Variants in SETX observed in about 807,000 individuals in gnomAD.
The protein encoded by SETX is senataxin, also known as helicase senataxin.
Under a neutral mutation model 227.2 loss-of-function variants are expected in SETX, and 90 were observed. The observed-to-expected ratio is 0.40, with a 90% CI of 0.33 to 0.47. SETX has a LOEUF of 0.47. Among genes scored for constraint, SETX ranks in the 20% least tolerant of loss-of-function variants. SETX has a pLI of 0.91. For synonymous variants in SETX, 1,210 were observed against 1,113.2 expected (o/e 1.09, Z -1.73); for missense variants, 3,052 against 3,181.5 (o/e 0.96, Z 0.98).
intron 3 of SETX, 30 bp from the exon 4 acceptor site, chr9:132,346,501 TTA>T (rs1457085614): frequency 5.4e-6 from 8 of 1,480,144 alleles, no homozygotes; most frequent in Middle Eastern, 2.2e-4. Flanking sequence ...GCAGTGTGCG[TTA>T]TGTCTTATCA....
chr9:132,351,032 A>G (rs946479270), intron 2 of SETX, among the ~76,000 whole-genome samples: 1 of 152,216 alleles, frequency 6.6e-6, no homozygotes, highest in Admixed American at 6.5e-5. Context: ...GCCAAGTAAC[A>G]TGGGATAAGG....
intron 7 of SETX, among the ~76,000 whole-genome samples, chr9:132,333,910 C>G (rs965692643): frequency 2.0e-5 from 3 of 151,984 alleles, no homozygotes; most frequent in African/African-American, 7.3e-5. Context: ...TTTTAATTGA[C>G]TTAAATTTAT....
chr9:132,354,616 G>A (rs1016379453), intron 1 of SETX, among the ~76,000 whole-genome samples: 2 of 151,888 alleles, frequency 1.3e-5, no homozygotes, highest in South Asian at 2.1e-4. Context: ...CAGCCCCAAG[G>A]AAACTACGCA....
rs774123592 is a variant in SETX at position 132,349,411 on chromosome 9, CCAA to C, written c.15_17del (p.Cys5del). ...TGGTGGAAGCACCACCTGGCGTACA[CCAA>C]CAACATGTGCTCATTCTGTACCTAC... is the stretch of plus-strand genomic sequence containing the variant. On this transcript the variant is annotated inframe_deletion, in exon 3 of 26. Coordinates refer to ENST00000224140, the MANE Select transcript of SETX (RefSeq NM_015046.7). The C allele has an allele frequency of 1.2e-6, 2 of 1,614,128 alleles. No individual in the cohort carries two copies. The highest frequency in any genetic ancestry group is 8.5e-7 in the Non-Finnish European group (1 of 1,180,036).
rs1036634878 is a variant in SETX, at chr9:132,330,297, T to C, written c.1301A>G (p.Asn434Ser). Residue 434 changes from asparagine (N) to serine (S), a missense_variant, in exon 10 of 26, where the codon AAT becomes AGT. Asn to Ser is a conservative substitution (Grantham distance 46). Coordinates refer to ENST00000224140, the MANE Select transcript of SETX (RefSeq NM_015046.7). ...TTCTTTGACTTCAGAGTACAGATGA[T>C]TAACAACCTGTGCTATGTAAGCCAC... ...LGVAYIAQVV[N>S]HLYSEVKEVL... The C allele has an allele frequency of 1.9e-6, 3 of 1,603,526 alleles. No individual in the cohort carries two copies. Among genetic ancestry groups the C allele is most frequent in the African/African-American group, 2.7e-5 (2 of 74,666 alleles).
chr9:132,286,350 TCTG>T lies in SETX; in HGVS notation c.6396+70_6396+72del. On this transcript the variant is annotated intron_variant, in intron 18 of 25. Transcript: ENST00000224140. ...TAAATAAATAAAAGCCCATAGCTTG[TCTG>T]AACAGTCATACTTAAATTTTAAAAA... is the stretch of plus-strand genomic sequence containing the variant. The T allele has an allele frequency of 6.5e-6, 7 of 1,076,264 alleles. No individual in the cohort carries two copies. The South Asian group carries it at 8.1e-5, about 13-fold the overall frequency. 66.7% of individuals were successfully genotyped at this position (1,076,264 alleles called of 1,614,324 possible).
At position 132,334,689 on chromosome 9, in the gene SETX, T is replaced by G; in HGVS notation, c.757A>C (p.Met253Leu). ...MLLTILEEQA[M>L]DSLLLGSDKQ... ...TCTGAGCCCAACAACAGGGAATCCA[T>G]GGCTTGTTCCTCAAGAATGGTCAGC... The change falls in exon 7 of 26, where the codon ATG (methionine) becomes CTG (leucine). Residue 253 changes from methionine to leucine, a missense_variant. By Grantham distance (15) the Met-to-Leu change is conservative. This residue lies in a region of SETX where 239 missense variants were observed against 240.8 expected (regional missense o/e 0.99). Coordinates refer to ENST00000224140, the MANE Select transcript of SETX (RefSeq NM_015046.7). 6.2e-7 allele frequency: 1 copy of G among 1,614,164 alleles called. No individual in the cohort carries two copies. Among genetic ancestry groups the G allele is most frequent in the South Asian group, 1.1e-5 (1 of 91,082 alleles).
At chr9:132,290,751 C>G (rs768496256) in intron 15 of SETX, among the ~76,000 whole-genome samples, 1 of 151,920 alleles carries the variant, frequency 6.6e-6, no homozygotes, top group Non-Finnish European at 1.5e-5. Flanking sequence ...CAAAAATTAG[C>G]CAGGCGTGGT....
chr9:132,355,201 C>G (rs1343979912), upstream of SETX, among the ~76,000 whole-genome samples: 5 of 152,228 alleles, frequency 3.3e-5, no homozygotes, highest in Non-Finnish European at 5.9e-5. Context: ...ATCCCGAGTC[C>G]CCGTCAGGGT....
chr9:132,326,075 T>A (rs1388498282), intron 10 of SETX, among the ~76,000 whole-genome samples: 1 of 152,064 alleles, frequency 6.6e-6, no homozygotes, highest in Non-Finnish European at 1.5e-5. Context: ...CTTTTTTTTG[T>A]TTTTTCTTTT....
At position 132,275,471 on chromosome 9, in the gene SETX, C is replaced by T. The variant is rs62576467; in HGVS notation, c.6936-51G>A. The T allele has an allele frequency of 0.021, 31,069 of 1,477,270 alleles. 374 individuals are homozygous for T. Among genetic ancestry groups the T allele is most frequent in the Non-Finnish European group, 0.024 (25,757 of 1,073,346 alleles). The allele number at this position is 1,477,270 out of a possible 1,614,324, so 91.5% of individuals were successfully genotyped here. A position where few individuals can be genotyped will look rare whatever the true frequency, so the allele number is the denominator to read the frequency against. ...CAGTGTTATCAAAACTAATAGCAGG[C>T]TAATTGCTAACTTAAGTTCCACTGA... is the stretch of plus-strand genomic sequence containing the variant. On this transcript the variant is annotated intron_variant, in intron 22 of 25. Coordinates refer to ENST00000224140, the MANE Select transcript of SETX (RefSeq NM_015046.7).
intron 11 of SETX, among the ~76,000 whole-genome samples, chr9:132,307,384 A>G (rs1375721882): frequency 6.6e-6 from 1 of 151,938 alleles, no homozygotes; most frequent in African/African-American, 2.4e-5. Flanking sequence ...TTTACTTACA[A>G]TCTTTATGTA....
chr9:132,300,547 C>A, intron 12 of SETX, 83 bp downstream of exon 12: 1 of 1,381,688 alleles, frequency 7.2e-7, no homozygotes, highest in South Asian at 1.2e-5. Flanking sequence ...CTATCAAATA[C>A]ACTTGATATA....
intron 8 of SETX, 60 bp from the exon 9 acceptor site, chr9:132,331,199 A>T (rs1320819805): frequency 7.5e-6 from 12 of 1,606,050 alleles, no homozygotes; most frequent in Middle Eastern, 1.6e-4. Context: ...AGGAAGAAAC[A>T]CCTCTTGTTA....
At position 132,333,440 on chromosome 9, in the gene SETX, C is replaced by T. The variant is rs1847391273; in HGVS notation, c.838+1168G>A. Among the ~76,000 whole-genome samples, 4 of 140,732 alleles carry T rather than the reference C, an allele frequency of 2.8e-5. 1 individual carries two copies. Among genetic ancestry groups the T allele is most frequent in the African/African-American group, 1.1e-4 (4 of 37,470 alleles). 92.3% of individuals were successfully genotyped at this position (140,732 alleles called of 152,430 possible). On this transcript the variant is annotated intron_variant, in intron 7 of 25. Transcript: ENST00000224140. The stretch of plus-strand genomic sequence containing the variant: ...ATACACACACACACACACACACACA[C>T]ACACACACACACACACACGCCCTAT...
At position 132,331,672 on chromosome 9, in the gene SETX, T is replaced by TAAA. The variant is rs200362840; in HGVS notation, c.839-227_839-225dup. On this transcript the variant is annotated intron_variant, in intron 7 of 25. Transcript: ENST00000224140. Reference sequence around the variant, plus strand: ...TGCAAGCAATACTATGATACGTCTGTAAAAAAAAAAAAAAATTTAGTGGCA... The same window carrying TAAA: ...TGCAAGCAATACTATGATACGTCTGTAAAAAAAAAAAAAAAAAATTTAGTGGCA... 4.4e-4 allele frequency among the ~76,000 whole-genome samples: 62 copies of TAAA among 140,964 alleles called. 1 individual carries two copies. Among genetic ancestry groups the TAAA allele is most frequent in the African/African-American group, 1.5e-3 (59 of 38,642 alleles). The allele number at this position is 140,964 out of a possible 152,430, so 92.5% of individuals were successfully genotyped here.
In SETX at chr9:132,263,449, G is replaced by C. The variant is rs1242915706; in HGVS notation, c.*790C>G. 1 of 152,226 alleles carries C rather than the reference G, an allele frequency of 6.6e-6. No individual in the cohort carries two copies. The highest frequency in any genetic ancestry group is 1.5e-5 in the Non-Finnish European group (1 of 68,048). The allele number at this position is 152,226 out of a possible 1,614,324, so 9.4% of individuals were successfully genotyped here. Reference sequence around the variant, plus strand: ...CACAATATGCTGGGAGCATTTGAATGATAGCTCAAGAATTATTCTTTCACT... The same window carrying C: ...CACAATATGCTGGGAGCATTTGAATCATAGCTCAAGAATTATTCTTTCACT... On this transcript the variant is annotated 3_prime_UTR_variant, in exon 26 of 26. Coordinates refer to ENST00000224140, the MANE Select transcript of SETX (RefSeq NM_015046.7).
Position 132,275,367 on chromosome 9 carries a change from AT to A in SETX, c.6988del (p.Ile2330LeufsTer15). 1 of 1,608,844 alleles carries A rather than the reference AT, an allele frequency of 6.2e-7. No individual in the cohort carries two copies. The highest frequency in any genetic ancestry group is 8.5e-7 in the Non-Finnish European group (1 of 1,175,396). On this transcript the variant is annotated frameshift_variant, in exon 23 of 26. Coordinates refer to ENST00000224140, the MANE Select transcript of SETX (RefSeq NM_015046.7). LOFTEE classifies it high-confidence loss of function. Reference sequence around the variant, plus strand: ...ACTAACATCCTTTCTTTTGTCTTTAATAAGCTTAATTATTTCCATCACCAGT... The same window carrying A: ...ACTAACATCCTTTCTTTTGTCTTTAAAAGCTTAATTATTTCCATCACCAGT... ...IKLVMEIIKL[I>X]KDKRKDVSFR...
chr9:132,347,411 C>G (rs145026142), intron 3 of SETX, among the ~76,000 whole-genome samples: 2,186 of 151,818 alleles, frequency 0.014, 54 homozygotes, highest in African/African-American at 0.05. Flanking sequence ...CTCCCAGGTT[C>G]AAGCGATTCT....
Sources: allele counts gnomAD v4.1 joint callset (sites outside exome capture counted in the v4.1 genomes callset), GRCh38; gene constraint gnomAD v4.1.1; regional missense constraint gnomAD v4.1.1; transcripts MANE v1.5; gene names NCBI Gene and HGNC (gene_info 2026-07-23, HGNC 2026-07-21).